Variants in CCT2 observed in about 807,000 individuals in gnomAD.
CCT2 encodes the protein T-complex protein 1 subunit beta.
In CCT2, 18 loss-of-function variants were observed where a neutral mutation model predicts 61.8. The observed-to-expected ratio is 0.29, with a 90% CI of 0.20 to 0.43. The LOEUF (loss-of-function observed/expected upper bound fraction) is 0.43, where lower values mean the gene tolerates loss of function less well. Ranked by LOEUF, CCT2 falls within the 20% of genes least tolerant of loss-of-function variation. The pLI, the probability that CCT2 is intolerant of heterozygous loss-of-function variation, is 1.00. For missense variants in CCT2, 556 were observed against 656.9 expected (o/e 0.85, Z 1.68); for synonymous variants, 248 against 215.9 (o/e 1.15, Z -1.30).
At chr12:69,593,485 A>G (rs773249670) in intron 9 of CCT2, 25 bp from the exon 10 acceptor site, 5 of 1,419,944 alleles carry the variant, frequency 3.5e-6, no homozygotes, top group East Asian at 2.3e-5. Flanking sequence ...TGTGAGCATA[A>G]TGTTTTCATG....
chr12:69,596,000 A>C (rs1236281973), intron 10 of CCT2, among the ~76,000 whole-genome samples: 2 of 152,222 alleles, frequency 1.3e-5, no homozygotes, highest in South Asian at 2.1e-4. Flanking sequence ...TGTGCCCAGG[A>C]GGTTGTGCTA....
chr12:69,598,517 G>A lies in CCT2; in HGVS notation c.1435+96G>A, dbSNP rs535972566. The stretch of plus-strand genomic sequence containing the variant: ...TGGAACATAAAGAGTTACAATAACC[G>A]TATAAAAGACTCTTTTGGACTTTGT... On this transcript the variant is annotated intron_variant, in intron 14 of 15. Coordinates refer to ENST00000299300, the MANE Select transcript of CCT2 (RefSeq NM_006431.3). 265 of 660,768 alleles carry A rather than the reference G, an allele frequency of 4.0e-4. 1 individual carries two copies. Among genetic ancestry groups the A allele is most frequent in the African/African-American group, 3.4e-3 (183 of 54,384 alleles). The allele number at this position is 660,768 out of a possible 1,614,324, so 40.9% of individuals were successfully genotyped here. A position where few individuals can be genotyped will look rare whatever the true frequency, so the allele number is the denominator to read the frequency against.
At chr12:69,599,426 TA>T (rs1169914057) in intron 14 of CCT2, among the ~76,000 whole-genome samples, 1 of 152,048 alleles carries the variant, frequency 6.6e-6, no homozygotes, top group Non-Finnish European at 1.5e-5. Context: ...TCACTGTTGT[TA>T]CTCAGGCTGG....
Position 69,601,336 on chromosome 12 carries a change from G to C in CCT2, c.*11G>C. ...CACCACCCCTGTTAAGCATTCCCAC[G>C]TGCTGTCGATCTTTGGACCAGTTTC... On this transcript the variant is annotated 3_prime_UTR_variant, in exon 16 of 16. Transcript: ENST00000299300. The C allele has an allele frequency of 6.2e-7, 1 of 1,613,636 alleles. No homozygotes were observed. The highest frequency in any genetic ancestry group is 8.5e-7 in the Non-Finnish European group (1 of 1,179,824).
chr12:69,587,403 C>G, intron 3 of CCT2, 102 bp from the exon 4 acceptor site: 1 of 655,302 alleles, frequency 1.5e-6, no homozygotes, highest in Non-Finnish European at 2.6e-6. Flanking sequence ...AAATAGCTAT[C>G]CAGAGTGTTT....
chr12:69,598,471 C>A, intron 14 of CCT2, 50 bp downstream of exon 14: 2 of 1,149,060 alleles, frequency 1.7e-6, no homozygotes, highest in South Asian at 1.6e-5. Context: ...TAACTCTTTT[C>A]ACTAAGCTTT....
chr12:69,586,781 G>C lies in CCT2; in HGVS notation c.107G>C (p.Gly36Ala). 1 of 1,601,562 alleles carries C rather than the reference G, an allele frequency of 6.2e-7. No homozygotes were observed. Among genetic ancestry groups the C allele is most frequent in the Non-Finnish European group, 8.5e-7 (1 of 1,175,650 alleles). ...TCTTTTATTGGTGCCATCGCCATTG[G>C]AGACTTGGTAAAGAGCACCTTGGGA... ...LTSFIGAIAI[G>A]DLVKSTLGPK... Residue 36 changes from glycine to alanine, a missense_variant, in exon 3 of 16, where the codon GGA becomes GCA. Coordinates refer to ENST00000299300, the MANE Select transcript of CCT2 (RefSeq NM_006431.3).
At chr12:69,587,068 A>T (rs1470003688) in intron 3 of CCT2, 3 of 399,706 alleles carry the variant, frequency 7.5e-6, no homozygotes, top group African/African-American at 2.1e-5. Flanking sequence ...AAGTATGTGT[A>T]CTTCATTATG....
At chr12:69,593,446 T>C in intron 9 of CCT2, 64 bp from the exon 10 acceptor site, 2 of 1,025,242 alleles carry the variant, frequency 2.0e-6, no homozygotes, top group East Asian at 2.4e-5. Context: ...ACATGTTTTT[T>C]AGTCTAATGT....
Position 69,601,357 on chromosome 12 carries a change from G to C in CCT2, c.*32G>C, listed in dbSNP as rs1242631170. On this transcript the variant is annotated 3_prime_UTR_variant, in exon 16 of 16. Coordinates refer to ENST00000299300, the MANE Select transcript of CCT2 (RefSeq NM_006431.3). Reference sequence around the variant, plus strand: ...CCACGTGCTGTCGATCTTTGGACCAGTTTCTAGCAAAGTTGTGTTTGAAAG... The same window carrying C: ...CCACGTGCTGTCGATCTTTGGACCACTTTCTAGCAAAGTTGTGTTTGAAAG... 6.2e-7 allele frequency: 1 copy of C among 1,613,964 alleles called. No homozygotes were observed.
intron 14 of CCT2, 121 bp from the exon 15 acceptor site, chr12:69,599,742 C>A: frequency 2.8e-6 from 2 of 718,956 alleles, no homozygotes; most frequent in Non-Finnish European, 4.3e-6. Context: ...TATCTACCTA[C>A]TGAGTAAAGT....
At chr12:69,589,374 T>A in intron 6 of CCT2, 111 bp from the exon 7 acceptor site, 1 of 704,968 alleles carries the variant, frequency 1.4e-6, no homozygotes, top group South Asian at 1.8e-5. Context: ...TCTTTTCATA[T>A]AGCTTACAGA....
chr12:69,587,575 A>G lies in CCT2; in HGVS notation c.215A>G (p.Lys72Arg), dbSNP rs750443373. 20 of 1,613,628 alleles carry G rather than the reference A, an allele frequency of 1.2e-5. No homozygotes were observed. The highest frequency in any genetic ancestry group is 1.7e-5 in the Non-Finnish European group (20 of 1,179,516). Residue 72 changes from lysine (K) to arginine (R), a missense_variant, in exon 4 of 16, where the codon AAA becomes AGA. By Grantham distance (26) the Lys-to-Arg change is conservative. Transcript: ENST00000299300. ...MVTNDGATIL[K>R]NIGVDNPAAK... ...ACCAATGATGGTGCCACTATTCTAA[A>G]AAACATTGGTGTTGACAATCCAGCA...
chr12:69,596,788 C>T (rs747838312), intron 10 of CCT2, among the ~76,000 whole-genome samples: 8 of 152,118 alleles, frequency 5.3e-5, no homozygotes, highest in Non-Finnish European at 1.2e-4. Flanking sequence ...CTTTAAGACT[C>T]AGTTTAACCT....
chr12:69,599,768 T>C, intron 14 of CCT2, 95 bp from the exon 15 acceptor site: 1 of 1,050,012 alleles, frequency 9.5e-7, no homozygotes, highest in Non-Finnish European at 1.4e-6. Context: ...GGTGTCCTAA[T>C]TTTATTAATA....
Position 69,589,854 on chromosome 12 carries a change from C to A in CCT2, c.649+167C>A. Reference sequence around the variant, plus strand: ...GTCATTTTATTGACAGTGTACTCCTCTTCCCGCGCTATTCCAGCATTGTTG... The same window carrying A: ...GTCATTTTATTGACAGTGTACTCCTATTCCCGCGCTATTCCAGCATTGTTG... On this transcript the variant is annotated intron_variant, in intron 7 of 15. Coordinates refer to ENST00000299300, the MANE Select transcript of CCT2 (RefSeq NM_006431.3). The A allele has an allele frequency of 3.3e-6, 2 of 605,230 alleles. 1 individual carries two copies. Among genetic ancestry groups the A allele is most frequent in the Admixed American group, 5.9e-5 (2 of 33,622 alleles). The allele number at this position is 605,230 out of a possible 1,614,324, so 37.5% of individuals were successfully genotyped here. A position where few individuals can be genotyped will look rare whatever the true frequency, so the allele number is the denominator to read the frequency against.
chr12:69,594,186 C>T (rs1263923614), intron 10 of CCT2, among the ~76,000 whole-genome samples: 1 of 151,516 alleles, frequency 6.6e-6, no homozygotes, highest in Non-Finnish European at 1.5e-5. Flanking sequence ...ACCTGTAAGA[C>T]CGTTGTTAAA....
chr12:69,587,607 G>A lies in CCT2; in HGVS notation c.247G>A (p.Val83Ile), dbSNP rs777424153. 2.5e-6 allele frequency: 4 copies of A among 1,589,834 alleles called. No individual in the cohort carries two copies. The South Asian group carries it at 4.4e-5, about 18-fold the overall frequency. Residue 83 changes from valine (V) to isoleucine (I), a missense_variant, in exon 4 of 16, where the codon GTT becomes ATT. Physicochemically the swap from Val to Ile is conservative, Grantham distance 29. Coordinates refer to ENST00000299300, the MANE Select transcript of CCT2 (RefSeq NM_006431.3). Reference sequence around the variant, plus strand: ...TGGTGTTGACAATCCAGCAGCTAAAGTTTTAGTTGGTAAGTCTGAATATAC... The same window carrying A: ...TGGTGTTGACAATCCAGCAGCTAAAATTTTAGTTGGTAAGTCTGAATATAC... ...NIGVDNPAAK[V>I]LVDMSRVQDD...
chr12:69,591,390 A>G (rs974378875), intron 7 of CCT2, among the ~76,000 whole-genome samples: 1 of 152,106 alleles, frequency 6.6e-6, no homozygotes, highest in African/African-American at 2.4e-5. Flanking sequence ...AATTTGTCGA[A>G]GGTTATATAG....
Sources: gnomAD v4.1 joint callset for allele counts (sites outside exome capture counted in the v4.1 genomes callset) on GRCh38, gnomAD v4.1.1 for gene constraint, MANE v1.5 for transcripts, NCBI Gene and HGNC (gene_info 2026-07-23, HGNC 2026-07-21) for gene names.